Variants in VTA1 observed in about 807,000 individuals in gnomAD.
VTA1 encodes the protein vesicle trafficking 1.
In VTA1, 24 loss-of-function variants were observed where a neutral mutation model predicts 36.9. The observed-to-expected ratio is 0.65, with a 90% CI of 0.47 to 0.91. The LOEUF (loss-of-function observed/expected upper bound fraction) is 0.91. Ranked by LOEUF, VTA1 falls within the 40% of genes least tolerant of loss-of-function variation. VTA1 has a pLI of 0.00. For missense variants in VTA1, 393 were observed against 377.2 expected, an observed-to-expected ratio of 1.04 and a Z score of -0.35; for synonymous variants, 142 against 130.2, an observed-to-expected ratio of 1.09 and a Z score of -0.62.
At chr6:142,199,315 T>C (rs1234676958) in intron 6 of VTA1, among the ~76,000 whole-genome samples, 1 of 152,196 alleles carries the variant, frequency 6.6e-6, no homozygotes, top group Non-Finnish European at 1.5e-5. Context: ...CTCTTCCCTT[T>C]AATTGCATTG....
chr6:142,195,847 A>G (rs1775535085), intron 5 of VTA1, among the ~76,000 whole-genome samples: 2 of 152,046 alleles, frequency 1.3e-5, no homozygotes. Context: ...GTTTGTAGAT[A>G]TCTTACTGAT....
At position 142,198,553 on chromosome 6, in the gene VTA1, T is replaced by C. The variant is rs370236215; in HGVS notation, c.635T>C (p.Ile212Thr). Residue 212 changes from isoleucine to threonine, a missense_variant, in exon 6 of 8, where the codon ATA (isoleucine) becomes ACA (threonine). Ile to Thr is a moderately conservative substitution (Grantham distance 89). Transcript: ENST00000367630. ...ATGCCATCAGGCAACTATACTGGAA[T>C]ACAGATTCCTCCGGGTGCACACGCT... is the stretch of plus-strand genomic sequence containing the variant. ...SNMPSGNYTG[I>T]QIPPGAHAPA... The C allele has an allele frequency of 1.2e-6, 2 of 1,614,138 alleles. No individual in the cohort carries two copies. The highest frequency in any genetic ancestry group is 8.5e-7 in the Non-Finnish European group (1 of 1,179,982).
intron 4 of VTA1, among the ~76,000 whole-genome samples, chr6:142,177,052 A>G (rs1303611794): frequency 6.6e-6 from 1 of 152,172 alleles, no homozygotes; most frequent in African/African-American, 2.4e-5. Flanking sequence ...CTACAAAAGC[A>G]TTTATTCCTT....
chr6:142,213,050 T>C (rs1371950745), intron 7 of VTA1, among the ~76,000 whole-genome samples: 1 of 152,144 alleles, frequency 6.6e-6, no homozygotes, highest in African/African-American at 2.4e-5. Context: ...TAACTCAAGT[T>C]TATAGTCCAG....
chr6:142,165,755 A>C (rs560929992), intron 1 of VTA1, among the ~76,000 whole-genome samples: 2 of 152,310 alleles, frequency 1.3e-5, no homozygotes, highest in East Asian at 3.9e-4. Context: ...AAGAGAAGGT[A>C]TATTTATTCA....
chr6:142,192,451 G>GATATAA (rs1274095715), intron 5 of VTA1, among the ~76,000 whole-genome samples: 2 of 151,912 alleles, frequency 1.3e-5, no homozygotes, highest in African/African-American at 4.8e-5. Context: ...TAGAATTAAT[G>GATATAA]ATATAAAAAA....
chr6:142,167,685 TGTC>T (rs917058676), intron 2 of VTA1, among the ~76,000 whole-genome samples: 1 of 152,190 alleles, frequency 6.6e-6, no homozygotes, highest in Non-Finnish European at 1.5e-5. Flanking sequence ...TACTGACTCC[TGTC>T]GTCTGCTACT....
chr6:142,158,925 C>T (rs1004723304), intron 1 of VTA1, among the ~76,000 whole-genome samples: 6 of 152,198 alleles, frequency 3.9e-5, no homozygotes, highest in Middle Eastern at 3.4e-3. Flanking sequence ...AGTTGTCATA[C>T]GTTGTACTTA....
chr6:142,189,342 G>T, intron 4 of VTA1, 84 bp from the exon 5 acceptor site: 1 of 1,145,220 alleles, frequency 8.7e-7, no homozygotes. Flanking sequence ...TTTTATCTCA[G>T]AAATATGATA....
Position 142,153,417 on chromosome 6 carries a change from C to T in VTA1, c.112+6018C>T, listed in dbSNP as rs1377843023. Among the ~76,000 whole-genome samples, 4 of 151,690 alleles carry T rather than the reference C, an allele frequency of 2.6e-5. No individual in the cohort carries two copies. In the East Asian group the frequency reaches 7.8e-4, roughly 29 times the overall value. ...ACAATCCTAGTACTCTAACTCATTACCTTACTATGTTTATAATGAATTTTA... is the reference window on the plus strand; with the variant it reads ...ACAATCCTAGTACTCTAACTCATTATCTTACTATGTTTATAATGAATTTTA... On this transcript the variant is annotated intron_variant, in intron 1 of 7. Transcript: ENST00000367630.
chr6:142,218,047 ACT>A (rs1776035508), intron 7 of VTA1, among the ~76,000 whole-genome samples: 1 of 152,144 alleles, frequency 6.6e-6, no homozygotes, highest in African/African-American at 2.4e-5. Flanking sequence ...CATGTAAAAT[ACT>A]CTCATGCTTA....
At chr6:142,190,128 C>G (rs573318236) in intron 5 of VTA1, among the ~76,000 whole-genome samples, 1 of 152,212 alleles carries the variant, frequency 6.6e-6, no homozygotes, top group African/African-American at 2.4e-5. Flanking sequence ...AAAATGTTTT[C>G]AAACCACGAA....
intron 5 of VTA1, among the ~76,000 whole-genome samples, chr6:142,196,607 G>T (rs979912188): frequency 3.3e-5 from 5 of 150,808 alleles, no homozygotes; most frequent in Admixed American, 3.3e-4. Flanking sequence ...GGTTAGTTTT[G>T]TCTCTTTCAT....
In VTA1 at chr6:142,155,688, A is replaced by C. The variant is rs117148924; in HGVS notation, c.112+8289A>C. ...AACATTAGGCACTTGGTTGTCTCCAAGCCTTTTAACATTCTACTTTATCTG... is the reference window on the plus strand; with the variant it reads ...AACATTAGGCACTTGGTTGTCTCCACGCCTTTTAACATTCTACTTTATCTG... On this transcript the variant is annotated intron_variant, in intron 1 of 7. Coordinates refer to ENST00000367630, the MANE Select transcript of VTA1 (RefSeq NM_016485.5). 7.6e-3 allele frequency among the ~76,000 whole-genome samples: 1,152 copies of C among 152,246 alleles called. 5 individuals carry two copies. The highest frequency in any genetic ancestry group is 0.014 in the Middle Eastern group (4 of 294).
intron 1 of VTA1, among the ~76,000 whole-genome samples, chr6:142,165,845 C>T (rs1402998253): frequency 6.6e-6 from 1 of 152,104 alleles, no homozygotes; most frequent in Non-Finnish European, 1.5e-5. Context: ...CTATCCCAGC[C>T]CATTTTGAAT....
At chr6:142,194,896 T>C (rs1448600345) in intron 5 of VTA1, among the ~76,000 whole-genome samples, 6 of 152,280 alleles carry the variant, frequency 3.9e-5, no homozygotes, top group Non-Finnish European at 7.4e-5. Context: ...TATGCACTTA[T>C]TAAAATTATC....
At chr6:142,199,105 T>C (rs1454261011) in intron 6 of VTA1, among the ~76,000 whole-genome samples, 1 of 151,832 alleles carries the variant, frequency 6.6e-6, no homozygotes, top group African/African-American at 2.4e-5. Context: ...TCAGTAACAA[T>C]GAAATCATAG....
chr6:142,153,058 A>G (rs755907875), intron 1 of VTA1, among the ~76,000 whole-genome samples: 2 of 152,114 alleles, frequency 1.3e-5, no homozygotes, highest in Non-Finnish European at 2.9e-5. Flanking sequence ...ATGTGTTATA[A>G]TATAAACATC....
At chr6:142,195,660 C>G (rs1158440531) in intron 5 of VTA1, among the ~76,000 whole-genome samples, 1 of 37,134 alleles carries the variant, frequency 2.7e-5, no homozygotes, top group African/African-American at 9.5e-5. Context: ...TTAAATTTTT[C>G]TTTTCTGATA....
Sources: gnomAD v4.1 joint callset for allele counts (sites outside exome capture counted in the v4.1 genomes callset) on GRCh38, gnomAD v4.1.1 for gene constraint, MANE v1.5 for transcripts, NCBI Gene and HGNC (gene_info 2026-07-23, HGNC 2026-07-21) for gene names.